The following RYR3 variants were observed in gnomAD, a reference collection of about 807,000 sequenced individuals.
RYR3 encodes brain ryanodine receptor-calcium release channel.
In RYR3, 207 loss-of-function variants were observed where a neutral mutation model predicts 584.3. The ratio of observed to expected loss-of-function variants is 0.35; its 90% CI spans 0.32 to 0.40. The LOEUF (loss-of-function observed/expected upper bound fraction) is 0.40. RYR3 is among the 10% of genes least tolerant of loss of function. The pLI is 1.00. For missense variants in RYR3, 5,616 were observed against 6,089.2 expected (o/e 0.92, Z 2.59); for synonymous variants, 2,416 against 2,248.5 (o/e 1.07, Z -2.11).
chr15:33,714,311 A>G (rs2067330647), intron 43 of RYR3, among the ~76,000 whole-genome samples: 1 of 152,236 alleles, frequency 6.6e-6, no homozygotes, highest in Non-Finnish European at 1.5e-5. Flanking sequence ...ATGGAATTAG[A>G]AAACTCTTTC....
chr15:33,800,558 T>C (rs1347429356), intron 67 of RYR3, among the ~76,000 whole-genome samples: 6 of 152,240 alleles, frequency 3.9e-5, no homozygotes, highest in Non-Finnish European at 1.5e-5. Context: ...ATAATTACTG[T>C]AGATCTTTCA....
intron 43 of RYR3, among the ~76,000 whole-genome samples, chr15:33,720,618 C>G (rs1401291256): frequency 6.6e-6 from 1 of 152,238 alleles, no homozygotes; most frequent in African/African-American, 2.4e-5. Flanking sequence ...AATCCCAGCA[C>G]TTTGGGAGGC....
chr15:33,808,424 C>G (rs937763746), intron 70 of RYR3, among the ~76,000 whole-genome samples: 1 of 152,018 alleles, frequency 6.6e-6, no homozygotes, highest in Non-Finnish European at 1.5e-5. Flanking sequence ...TGAGATTGGC[C>G]CAATCAAATA....
In RYR3 at chr15:33,854,772, C is replaced by G. The variant is rs758795619; in HGVS notation, c.13867C>G (p.Leu4623Val). The G allele has an allele frequency of 1.2e-6, 2 of 1,605,410 alleles. No homozygotes were observed. Among genetic ancestry groups the G allele is most frequent in the Non-Finnish European group, 1.7e-6 (2 of 1,177,388 alleles). ...LGVVFTDNSF[L>V]YLAWYTTMSV... is the part of the protein sequence containing the mutation. ...TGCTTTCTTCCATTCCCAGTCCTTT[C>G]TCTACCTTGCCTGGTATACAACCAT... Residue 4623 changes from leucine (L) to valine (V), a missense_variant, in exon 98 of 104, where the codon CTC becomes GTC. This residue lies in a region of RYR3 where 918 missense variants were observed against 887.4 expected (regional missense o/e 1.03). Coordinates refer to ENST00000634891, the MANE Select transcript of RYR3 (RefSeq NM_001036.6).
chr15:33,526,645 T>G (rs1376422979), intron 3 of RYR3, among the ~76,000 whole-genome samples: 1 of 105,744 alleles, frequency 9.5e-6, no homozygotes, highest in Non-Finnish European at 2.2e-5. Context: ...TCTATGCCTT[T>G]TTTTTTTTTC....
Position 33,664,589 on chromosome 15 carries a change from G to GTGTA in RYR3, c.5619+853_5619+854insGTAT, listed in dbSNP as rs577496539. Among the ~76,000 whole-genome samples the GTGTA allele has an allele frequency of 8.8e-4, 80 of 91,208 alleles. 1 individual carries two copies. The highest frequency in any genetic ancestry group is 3.7e-3 in the East Asian group (12 of 3,216). The allele number at this position is 91,208 out of a possible 152,430, so 59.8% of individuals were successfully genotyped here. A position where few individuals can be genotyped will look rare whatever the true frequency, so the allele number is the denominator to read the frequency against. On this transcript the variant is annotated intron_variant, in intron 36 of 103. Transcript: ENST00000634891. ...TATATAGATATATGTGTGTGTGTGT[G>GTGTA]TATATATATATATATATATATATAT... is the stretch of plus-strand genomic sequence containing the variant.
intron 38 of RYR3, among the ~76,000 whole-genome samples, chr15:33,682,566 A>C (rs1384546048): frequency 6.6e-6 from 1 of 152,260 alleles, no homozygotes; most frequent in East Asian, 1.9e-4. Context: ...TAATAATCTC[A>C]TAAATGAAGC....
chr15:33,585,196 A>T (rs952436503), intron 15 of RYR3, among the ~76,000 whole-genome samples: 3 of 152,198 alleles, frequency 2.0e-5, no homozygotes, highest in African/African-American at 7.2e-5. Context: ...TCCCCCAAGG[A>T]TCATCCACCT....
chr15:33,589,926 A>G (rs1208796997), intron 16 of RYR3, among the ~76,000 whole-genome samples: 13 of 152,222 alleles, frequency 8.5e-5, no homozygotes, highest in Non-Finnish European at 1.5e-4. Context: ...AGAGACCACC[A>G]AACAGGCTTT....
At chr15:33,371,547 T>G (rs1274611128) in intron 1 of RYR3, among the ~76,000 whole-genome samples, 1 of 152,208 alleles carries the variant, frequency 6.6e-6, no homozygotes, top group Non-Finnish European at 1.5e-5. Context: ...AATGTTTAGA[T>G]AAATAAAATA....
intron 38 of RYR3, among the ~76,000 whole-genome samples, chr15:33,677,286 C>T (rs1287188356): frequency 6.6e-6 from 1 of 152,114 alleles, no homozygotes; most frequent in African/African-American, 2.4e-5. Flanking sequence ...TGGCTTGCCT[C>T]ATAATCACTT....
chr15:33,802,529 G>C (rs1198208293), intron 69 of RYR3, among the ~76,000 whole-genome samples: 3 of 151,732 alleles, frequency 2.0e-5, no homozygotes, highest in Non-Finnish European at 4.4e-5. Context: ...AGGCATATCG[G>C]ACATCTGTCT....
At chr15:33,660,156 A>G in intron 33 of RYR3, 41 bp from the exon 34 acceptor site, 1 of 1,392,942 alleles carries the variant, frequency 7.2e-7, no homozygotes, top group Non-Finnish European at 1.0e-6. Flanking sequence ...TCATCCAGCA[A>G]CTGTGTGTTT....
intron 18 of RYR3, among the ~76,000 whole-genome samples, chr15:33,605,690 A>G (rs889966588): frequency 6.6e-6 from 1 of 152,200 alleles, no homozygotes; most frequent in Non-Finnish European, 1.5e-5. Flanking sequence ...GCACACAGGG[A>G]ACATATATCT....
intron 38 of RYR3, among the ~76,000 whole-genome samples, chr15:33,670,802 C>G (rs1206876323): frequency 6.6e-6 from 1 of 152,060 alleles, no homozygotes; most frequent in Non-Finnish European, 1.5e-5. Context: ...TTCTTGCTGT[C>G]GTGTTCTACT....
At chr15:33,690,964 T>C (rs2065382088) in intron 38 of RYR3, among the ~76,000 whole-genome samples, 1 of 152,220 alleles carries the variant, frequency 6.6e-6, no homozygotes, top group Non-Finnish European at 1.5e-5. Context: ...CTCTTTAATG[T>C]CTGACTTAAT....
intron 72 of RYR3, among the ~76,000 whole-genome samples, chr15:33,811,450 G>A (rs1198213771): frequency 6.6e-6 from 1 of 151,684 alleles, no homozygotes; most frequent in African/African-American, 2.4e-5. Context: ...GACGGAGGTT[G>A]TGGTGAGCCG....
At chr15:33,763,086 C>A (rs1334446006) in intron 60 of RYR3, among the ~76,000 whole-genome samples, 1 of 152,144 alleles carries the variant, frequency 6.6e-6, no homozygotes. Context: ...TAAAAGTGGA[C>A]CCCTTCCTTA....
intron 70 of RYR3, 176 bp downstream of exon 70, chr15:33,807,745 A>C (rs1596707263): frequency 1.5e-6 from 1 of 655,038 alleles, no homozygotes; most frequent in East Asian, 2.8e-5. Flanking sequence ...ATGTAGGCCT[A>C]CCCACCCTTG....
Sources: gnomAD v4.1 joint callset for allele counts (sites outside exome capture counted in the v4.1 genomes callset) on GRCh38, gnomAD v4.1.1 for gene constraint, gnomAD v4.1.1 regional missense constraint, MANE v1.5 for transcripts, NCBI Gene and HGNC (gene_info 2026-07-23, HGNC 2026-07-21) for gene names.